The following HECTD4 variants were observed in gnomAD, a reference collection of about 807,000 sequenced individuals.
HECTD4 encodes probable E3 ubiquitin-protein ligase HECTD4.
A neutral mutation model predicts 471.5 loss-of-function variants in HECTD4; 114 were observed. The ratio of observed to expected loss-of-function variants is 0.24; its 90% confidence interval spans 0.21 to 0.28. HECTD4 has a LOEUF of 0.28. Ranked by LOEUF, HECTD4 falls within the 10% of genes least tolerant of loss-of-function variation. HECTD4 has a pLI of 1.00. For synonymous variants in HECTD4, 2,012 were observed against 2,256.0 expected (o/e 0.89, Z 3.07); for missense variants, 3,866 against 5,651.5 (o/e 0.68, Z 10.13).
chr12:112,254,876 A>G (rs983305414), intron 21 of HECTD4, among the ~76,000 whole-genome samples: 3 of 152,214 alleles, frequency 2.0e-5, no homozygotes, highest in African/African-American at 4.8e-5. Flanking sequence ...AGACTTCCAT[A>G]GGAAAAATAA....
intron 44 of HECTD4, among the ~76,000 whole-genome samples, chr12:112,226,221 T>A (rs200294495): frequency 4.0e-5 from 6 of 151,116 alleles, no homozygotes; most frequent in East Asian, 3.9e-4. Context: ...ACACACACAC[T>A]CACACACACA....
In HECTD4 at chr12:112,184,825, C is replaced by T. The variant is rs1216990495; in HGVS notation, c.10141G>A (p.Ala3381Thr). The change falls in exon 61 of 76, where the codon GCC becomes ACC. Residue 3381 changes from alanine (A) to threonine (T), a missense_variant. Physicochemically the swap from Ala to Thr is moderately conservative, Grantham distance 58 (BLOSUM62 0). Coordinates refer to ENST00000682272, the MANE Select transcript of HECTD4 (RefSeq NM_001388303.1). This position sits in a 1 kb window ranked among gnomAD's most constrained non-coding sequence, Gnocchi z 9.1. ...DPQGLGVTSD[A>T]IADACQALVG... Reference sequence around the variant, plus strand: ...AGGGCCTGGCAGGCATCGGCGATGGCGTCACTCGTCACGCCCAGCCCCTGT... The same window carrying T: ...AGGGCCTGGCAGGCATCGGCGATGGTGTCACTCGTCACGCCCAGCCCCTGT... The T allele has an allele frequency of 1.2e-6, 2 of 1,608,174 alleles. No individual in the cohort carries two copies. Among genetic ancestry groups the T allele is most frequent in the South Asian group, 1.1e-5 (1 of 90,348 alleles).
At chr12:112,177,723 A>G (rs1177315768) in intron 64 of HECTD4, among the ~76,000 whole-genome samples, 1 of 152,218 alleles carries the variant, frequency 6.6e-6, no homozygotes, top group African/African-American at 2.4e-5. Context: ...TTCTTTTTGT[A>G]CTGGTCTGAA....
intron 7 of HECTD4, among the ~76,000 whole-genome samples, chr12:112,287,292 T>G (rs374321779): frequency 2.1e-4 from 32 of 152,254 alleles, no homozygotes; most frequent in African/African-American, 7.5e-4. Context: ...TAATATAAGC[T>G]CCACGAAAAC....
At chr12:112,370,408 T>C (rs2036643464) in intron 1 of HECTD4, among the ~76,000 whole-genome samples, 1 of 152,202 alleles carries the variant, frequency 6.6e-6, no homozygotes, top group South Asian at 2.1e-4. Flanking sequence ...GAAACTAAGA[T>C]ACTCATCAAT....
chr12:112,212,222 T>C (rs555513154), intron 49 of HECTD4, among the ~76,000 whole-genome samples: 1 of 152,366 alleles, frequency 6.6e-6, no homozygotes, highest in East Asian at 1.9e-4. Context: ...CTAGTGTTCC[T>C]TGCATTGTTG....
rs561193340 is a variant in HECTD4 at position 112,228,914 on chromosome 12, G to A, written c.6520-103C>T. The A allele has an allele frequency of 5.5e-5, 62 of 1,136,556 alleles. No homozygotes were observed. The highest frequency in any genetic ancestry group is 2.8e-4 in the East Asian group (12 of 42,580). The allele number at this position is 1,136,556 out of a possible 1,614,324, so 70.4% of individuals were successfully genotyped here. A position where few individuals can be genotyped will look rare whatever the true frequency, so the allele number is the denominator to read the frequency against. ...TAAATTTATAGTTGTCATTGTTGGC[G>A]TTACAGTAATAGTTTATACTACTAG... is the stretch of plus-strand genomic sequence containing the variant. On this transcript the variant is annotated intron_variant, in intron 41 of 75. Coordinates refer to ENST00000682272, the MANE Select transcript of HECTD4 (RefSeq NM_001388303.1). This position sits in a 1 kb window ranked among gnomAD's most constrained non-coding sequence, Gnocchi z 4.9.
At chr12:112,282,999 G>C (rs1594008418) in intron 8 of HECTD4, 111 bp downstream of exon 8, 1 of 743,870 alleles carries the variant, frequency 1.3e-6, no homozygotes, top group Non-Finnish European at 2.0e-6. Context: ...ACCAAATAAA[G>C]TCAACTATGC....
chr12:112,208,465 G>A (rs763669277), intron 51 of HECTD4, 29 bp downstream of exon 51: 2 of 1,542,874 alleles, frequency 1.3e-6, no homozygotes, highest in South Asian at 1.3e-5. Flanking sequence ...ATGCTGCTGA[G>A]TCCTGATCTA....
intron 7 of HECTD4, chr12:112,301,865 T>G (rs746198499): frequency 5.6e-6 from 5 of 888,308 alleles, no homozygotes; most frequent in African/African-American, 3.3e-5. Context: ...CTCAACAGTA[T>G]ACATTTAACC....
intron 52 of HECTD4, among the ~76,000 whole-genome samples, chr12:112,207,151 T>C (rs2032615235): frequency 6.6e-6 from 1 of 151,608 alleles, no homozygotes; most frequent in Non-Finnish European, 1.5e-5. Context: ...TGTATGTATG[T>C]ATGTATTTGA....
At chr12:112,192,161 G>A (rs1205207282) in intron 59 of HECTD4, among the ~76,000 whole-genome samples, 1 of 152,242 alleles carries the variant, frequency 6.6e-6, no homozygotes, top group Non-Finnish European at 1.5e-5. Flanking sequence ...GACTCTCACA[G>A]TGGCCAGTGC....
At chr12:112,358,378 G>GC (rs1329410357) in intron 1 of HECTD4, among the ~76,000 whole-genome samples, 1 of 152,022 alleles carries the variant, frequency 6.6e-6, no homozygotes, top group East Asian at 1.9e-4. Context: ...CTATTCAGGA[G>GC]CCCGAAGCAG....
At chr12:112,302,393 G>A in intron 7 of HECTD4, 1 of 753,956 alleles carries the variant, frequency 1.3e-6, no homozygotes. Context: ...AAGCAGTTGA[G>A]TAACTGTTTG....
chr12:112,338,041 C>T (rs1331156930), intron 1 of HECTD4, among the ~76,000 whole-genome samples: 1 of 152,208 alleles, frequency 6.6e-6, no homozygotes, highest in Non-Finnish European at 1.5e-5. Flanking sequence ...TCTCACAGTT[C>T]TGGAGGCTAG....
At chr12:112,377,104 T>C (rs935549301) in intron 1 of HECTD4, among the ~76,000 whole-genome samples, 4 of 151,864 alleles carry the variant, frequency 2.6e-5, no homozygotes, top group African/African-American at 9.7e-5. Flanking sequence ...AGAGCAAGAA[T>C]CTCTGTCTCG....
At chr12:112,339,877 C>A (rs558307369) in intron 1 of HECTD4, among the ~76,000 whole-genome samples, 1 of 151,888 alleles carries the variant, frequency 6.6e-6, no homozygotes, top group Non-Finnish European at 1.5e-5. Flanking sequence ...GGTGAAACCC[C>A]GCCTCTACAA....
chr12:112,381,761 G>A lies in HECTD4; in HGVS notation c.177+191C>T, dbSNP rs2036896283. On this transcript the variant is annotated intron_variant, in intron 1 of 75. Coordinates refer to ENST00000682272, the MANE Select transcript of HECTD4 (RefSeq NM_001388303.1). The surrounding 1 kb of genome is among the most constrained non-coding windows in gnomAD (Gnocchi z 4.1). ...CGGGCGCCAGGCCCCGAGGAGGGAG[G>A]GAGGGAGAGCGGGGCGGGCGGTCCG... Among the ~76,000 whole-genome samples, 2 of 151,922 alleles carry A rather than the reference G, an allele frequency of 1.3e-5. No homozygotes were observed. Among genetic ancestry groups the A allele is most frequent in the Admixed American group, 1.3e-4 (2 of 15,266 alleles).
chr12:112,193,724 G>T lies in HECTD4; in HGVS notation c.8750-50C>A. ...TTGACAAGAATCAAAGCAGCCAGTAGCTGTGAGAGTCTAAGTAACAGAAAA... is the reference window on the plus strand; with the variant it reads ...TTGACAAGAATCAAAGCAGCCAGTATCTGTGAGAGTCTAAGTAACAGAAAA... On this transcript the variant is annotated intron_variant, in intron 56 of 75. Coordinates refer to ENST00000682272, the MANE Select transcript of HECTD4 (RefSeq NM_001388303.1). This position sits in a 1 kb window ranked among gnomAD's most constrained non-coding sequence, Gnocchi z 5.2. 11 of 1,513,418 alleles carry T rather than the reference G, an allele frequency of 7.3e-6. No homozygotes were observed. The highest frequency in any genetic ancestry group is 9.9e-6 in the Non-Finnish European group (11 of 1,105,662). The allele number at this position is 1,513,418 out of a possible 1,614,324, so 93.7% of individuals were successfully genotyped here.
Sources: allele counts gnomAD v4.1 joint callset (sites outside exome capture counted in the v4.1 genomes callset), GRCh38; gene constraint gnomAD v4.1.1; non-coding constraint Gnocchi (gnomAD v3.1); transcripts MANE v1.5; gene names NCBI Gene and HGNC (gene_info 2026-07-23, HGNC 2026-07-21).